LARP1: variants seen among roughly 807,000 people sequenced by gnomAD.
LARP1 encodes the protein la-related protein 1.
Under a neutral mutation model 122.7 loss-of-function variants are expected in LARP1, and 36 were observed. The ratio of observed to expected loss-of-function variants is 0.29; its 90% CI spans 0.22 to 0.39. LARP1 has a LOEUF of 0.39. LARP1 is among the 10% of genes least tolerant of loss of function. The pLI is 1.00. For missense variants in LARP1, 1,040 were observed against 1,403.6 expected (o/e 0.74, Z 4.14); for synonymous variants, 539 against 528.7 (o/e 1.02, Z -0.27).
At chr5:154,706,295 A>AAATAT (rs1322933798) in intron 1 of LARP1, among the ~76,000 whole-genome samples, 17 of 142,692 alleles carry the variant, frequency 1.2e-4, no homozygotes, top group African/African-American at 4.4e-4. Context: ...CTTTGTCTCA[A>AAATAT]AATAATAATA....
At chr5:154,776,316 G>A (rs7733953) in intron 1 of LARP1, among the ~76,000 whole-genome samples, 3,268 of 152,242 alleles carry the variant, frequency 0.021, 112 homozygotes, top group African/African-American at 0.075. Flanking sequence ...TTAAACCCCA[G>A]CCCAGACTGA....
At chr5:154,751,224 A>C (rs1306290184), upstream of LARP1, among the ~76,000 whole-genome samples, 2 of 152,150 alleles carry the variant, frequency 1.3e-5, no homozygotes, top group Non-Finnish European at 2.9e-5. Flanking sequence ...AGGCCTGGCG[A>C]TATAGAACAC....
chr5:154,813,797 G>T (rs933800169), intron 18 of LARP1, 90 bp from the exon 19 acceptor site: 70 of 1,006,180 alleles, frequency 7.0e-5, no homozygotes, highest in Middle Eastern at 6.4e-4. Flanking sequence ...ATATTTGGAG[G>T]TAGAAAGTAG....
chr5:154,781,664 G>C (rs747620382), intron 1 of LARP1, among the ~76,000 whole-genome samples: 2 of 152,196 alleles, frequency 1.3e-5, no homozygotes, highest in Non-Finnish European at 2.9e-5. Context: ...ATCATGCAAA[G>C]ACATTGTAAG....
At chr5:154,799,110 C>T (rs1315530523) in intron 8 of LARP1, among the ~76,000 whole-genome samples, 1 of 152,204 alleles carries the variant, frequency 6.6e-6, no homozygotes, top group East Asian at 1.9e-4. Flanking sequence ...GATCTGCCTG[C>T]CTGGGGCTCC....
At chr5:154,801,707 A>G (rs962450953) in intron 10 of LARP1, among the ~76,000 whole-genome samples, 4 of 152,202 alleles carry the variant, frequency 2.6e-5, no homozygotes, top group African/African-American at 9.7e-5. Flanking sequence ...GCTAGGTGCT[A>G]TGTAGGATAT....
upstream of LARP1, among the ~76,000 whole-genome samples, chr5:154,711,244 C>T (rs1269376209): frequency 6.9e-4 from 104 of 151,496 alleles, 1 homozygote; most frequent in Admixed American, 6.7e-3. Flanking sequence ...CGGGTTCAAG[C>T]GATTCTCCTG....
intron 1 of LARP1, among the ~76,000 whole-genome samples, chr5:154,771,165 A>G (rs1224954873): frequency 6.6e-6 from 1 of 151,740 alleles, no homozygotes; most frequent in African/African-American, 2.4e-5. Context: ...TGCAGTGCTT[A>G]TCAGTGAGTA....
chr5:154,713,354 C>T (rs913073910), intron 1 of LARP1, among the ~76,000 whole-genome samples: 9 of 152,174 alleles, frequency 5.9e-5, no homozygotes, highest in African/African-American at 1.4e-4. Context: ...TTGTCACACC[C>T]CTTGTTCTGA....
rs371563560 is a variant in LARP1 at position 154,758,312 on chromosome 5, G to A, written c.436+2119G>A. Among the ~76,000 whole-genome samples, 7 of 152,288 alleles carry A rather than the reference G, an allele frequency of 4.6e-5. No homozygotes were observed. In the East Asian group the frequency reaches 9.7e-4, roughly 21 times the overall value. On this transcript the variant is annotated intron_variant, in intron 1 of 18. Coordinates refer to ENST00000518297, the MANE Select transcript of LARP1 (RefSeq NM_033551.3). ...GTGGAGAAGCTGACTTGCTTTAAGT[G>A]CCCAAAGCAAAATTCTGAGTAAGGG...
intron 1 of LARP1, among the ~76,000 whole-genome samples, chr5:154,785,325 G>T (rs1387648364): frequency 6.6e-6 from 1 of 152,174 alleles, no homozygotes; most frequent in Non-Finnish European, 1.5e-5. Flanking sequence ...CACCCCAAGA[G>T]TTTTTCCCGT....
At chr5:154,766,951 C>G (rs900151517) in intron 1 of LARP1, among the ~76,000 whole-genome samples, 1 of 152,178 alleles carries the variant, frequency 6.6e-6, no homozygotes, top group East Asian at 1.9e-4. Flanking sequence ...CTAAACCTCT[C>G]ATTTACAGGT....
intron 1 of LARP1, among the ~76,000 whole-genome samples, chr5:154,760,845 G>A (rs1168730399): frequency 1.3e-5 from 2 of 152,182 alleles, no homozygotes; most frequent in African/African-American, 4.8e-5. Context: ...GCATTGTTGT[G>A]GATCTTGTTT....
rs543186569 is a variant in LARP1 at position 154,719,073 on chromosome 5, G to A, written c.205+5943G>A. Among the ~76,000 whole-genome samples, 84 of 152,316 alleles carry A rather than the reference G, an allele frequency of 5.5e-4. 1 individual carries two copies. In the South Asian group the frequency reaches 0.016, roughly 30 times the overall value. On this transcript the variant is annotated intron_variant, in intron 1 of 18. Transcript: ENST00000336314. ...ACTGAGGCTGGGAAGGGCAATGACTGAAGCAAGATTAGGACCTAGGAGTCC... is the reference window on the plus strand; with the variant it reads ...ACTGAGGCTGGGAAGGGCAATGACTAAAGCAAGATTAGGACCTAGGAGTCC...
rs1291126796 is a variant in LARP1, at chr5:154,817,012, T to C, written c.*2916T>C. 1.3e-5 allele frequency: 2 copies of C among 150,072 alleles called. No individual in the cohort carries two copies. Among genetic ancestry groups the C allele is most frequent in the Non-Finnish European group, 2.9e-5 (2 of 67,882 alleles). The allele number at this position is 150,072 out of a possible 1,614,324, so 9.3% of individuals were successfully genotyped here. On this transcript the variant is annotated 3_prime_UTR_variant, in exon 19 of 19. Transcript: ENST00000518297. ...TAAATGTTTTTGTTTTGTTCCATTG[T>C]AGCTCTTTTTTTTTTTTTTTCCCCT...
chr5:154,756,511 C>T (rs1753924528), intron 1 of LARP1: 1 of 985,934 alleles, frequency 1.0e-6, no homozygotes, highest in East Asian at 1.1e-4. Context: ...ACGATCCCCA[C>T]CGCATGCTGG....
chr5:154,744,380 G>A (rs1202752745), intron 1 of LARP1, among the ~76,000 whole-genome samples: 2 of 152,110 alleles, frequency 1.3e-5, no homozygotes, highest in African/African-American at 4.8e-5. Context: ...TGACTGGTAT[G>A]GCATTAGTTT....
chr5:154,747,796 G>A (rs1414914209), intron 1 of LARP1, among the ~76,000 whole-genome samples: 5 of 152,126 alleles, frequency 3.3e-5, no homozygotes, highest in Admixed American at 2.0e-4. Flanking sequence ...CCAGGGAGGC[G>A]GAGACTGCAG....
rs376979158 is a variant in LARP1, at chr5:154,793,617, A to G, written c.762A>G (p.Pro254=). ...KKKGNKHKWV[P]LQIDMKPEVP... ...CAGGAAACAAACACAAGTGGGTTCCATTACAAATAGACATGAAGCCTGAAG... is the reference window on the plus strand; with the variant it reads ...CAGGAAACAAACACAAGTGGGTTCCGTTACAAATAGACATGAAGCCTGAAG... Residue 254 remains proline, a synonymous_variant, in exon 5 of 19, where the codon CCA becomes CCG. Coordinates refer to ENST00000518297, the MANE Select transcript of LARP1 (RefSeq NM_033551.3). The G allele has an allele frequency of 3.7e-6, 6 of 1,614,182 alleles. No homozygotes were observed. Among genetic ancestry groups the G allele is most frequent in the South Asian group, 1.1e-5 (1 of 91,080 alleles).
Sources: gnomAD v4.1 joint callset for allele counts (sites outside exome capture counted in the v4.1 genomes callset) on GRCh38, gnomAD v4.1.1 for gene constraint, MANE v1.5 for transcripts, NCBI Gene and HGNC (gene_info 2026-07-23, HGNC 2026-07-21) for gene names.